The following SPHKAP variants were observed in gnomAD, a reference collection of about 807,000 sequenced individuals.
SPHKAP encodes SPHK1 interactor, AKAP domain containing.
A neutral mutation model predicts 137.5 loss-of-function variants in SPHKAP; 67 were observed. The observed-to-expected ratio is 0.49, with a 90% CI of 0.40 to 0.60. The LOEUF (loss-of-function observed/expected upper bound fraction) is 0.60, where lower values mean the gene tolerates loss of function less well. SPHKAP is among the 20% of genes least tolerant of loss of function. SPHKAP has a pLI of 0.00. For synonymous variants in SPHKAP, 813 were observed against 785.3 expected (o/e 1.04, Z -0.59); for missense variants, 2,097 against 2,069.3 (o/e 1.01, Z -0.26).
intron 2 of SPHKAP, among the ~76,000 whole-genome samples, chr2:228,126,202 T>TA (rs1290877559): frequency 2.0e-5 from 3 of 152,136 alleles, no homozygotes; most frequent in Non-Finnish European, 2.9e-5. Context: ...TCTTTTCCAT[T>TA]TTTTCTTATA....
chr2:228,004,779 A>T (rs1468680853), intron 7 of SPHKAP, among the ~76,000 whole-genome samples: 1 of 152,172 alleles, frequency 6.6e-6, no homozygotes, highest in Non-Finnish European at 1.5e-5. Flanking sequence ...TTGGTTTCAA[A>T]GAACATCTTT....
chr2:227,982,523 G>A (rs1693038879), intron 11 of SPHKAP, among the ~76,000 whole-genome samples: 4 of 152,146 alleles, frequency 2.6e-5, no homozygotes, highest in Admixed American at 1.3e-4. Context: ...AGGGCTTGAA[G>A]GGAGGAAAAA....
chr2:228,078,787 G>A (rs1697263938), intron 3 of SPHKAP, among the ~76,000 whole-genome samples: 1 of 152,190 alleles, frequency 6.6e-6, no homozygotes, highest in African/African-American at 2.4e-5. Context: ...ATAGAGTGGA[G>A]AGAGATACCC....
intron 2 of SPHKAP, among the ~76,000 whole-genome samples, chr2:228,123,601 ACTT>A (rs1333697311): frequency 6.6e-6 from 1 of 152,214 alleles, no homozygotes; most frequent in African/African-American, 2.4e-5. Context: ...CAGTGAAAGT[ACTT>A]CTTAGCTTCT....
intron 2 of SPHKAP, 47 bp downstream of exon 2, chr2:228,131,933 T>A (rs757556093): frequency 4.4e-6 from 7 of 1,581,190 alleles, no homozygotes; most frequent in Non-Finnish European, 6.1e-6. Flanking sequence ...ATTAAATGAA[T>A]ATTCAAGTTC....
chr2:228,130,861 A>G (rs1699228197), intron 2 of SPHKAP, among the ~76,000 whole-genome samples: 1 of 152,198 alleles, frequency 6.6e-6, no homozygotes, highest in African/African-American at 2.4e-5. Context: ...AAGAGGAGAA[A>G]GAATAATAGA....
chr2:228,110,376 G>A (rs1312541020), intron 2 of SPHKAP, among the ~76,000 whole-genome samples: 1 of 151,858 alleles, frequency 6.6e-6, no homozygotes, highest in African/African-American at 2.4e-5. Context: ...TTATATTAGT[G>A]ATAAATTTTC....
Position 228,021,789 on chromosome 2 carries a change from AG to A in SPHKAP, c.618del (p.Leu207TyrfsTer31). On this transcript the variant is annotated frameshift_variant, in exon 6 of 12. Coordinates refer to ENST00000392056, the MANE Select transcript of SPHKAP (RefSeq NM_001142644.2). LOFTEE classifies it high-confidence loss of function. The stretch of plus-strand genomic sequence containing the variant: ...AGAAAGTCTTCCTCGATTGAAGATA[AG>A]GAACAGTTCGTGTCATCCTCCAGTT... ...ILKLEDDTNC[S>X]LSSIEEDFLT... 1 of 1,614,208 alleles carries A rather than the reference AG, an allele frequency of 6.2e-7. No homozygotes were observed. Among genetic ancestry groups the A allele is most frequent in the South Asian group, 1.1e-5 (1 of 91,082 alleles).
At chr2:227,991,748 A>AT (rs921321193) in intron 9 of SPHKAP, 61 of 889,732 alleles carry the variant, frequency 6.9e-5, no homozygotes, top group South Asian at 1.0e-4. Context: ...TCTTGTCACA[A>AT]TTTTTTTTCT....
intron 2 of SPHKAP, among the ~76,000 whole-genome samples, chr2:228,110,171 C>T (rs565429882): frequency 1.3e-5 from 2 of 151,846 alleles, no homozygotes; most frequent in South Asian, 4.2e-4. Flanking sequence ...ATTCGTACAA[C>T]AAAAGATTGT....
Position 228,081,125 on chromosome 2 carries a change from G to T in SPHKAP, c.246+27707C>A, listed in dbSNP as rs559666614. Among the ~76,000 whole-genome samples the T allele has an allele frequency of 1.4e-4, 22 of 152,300 alleles. No individual in the cohort carries two copies. In the South Asian group the frequency reaches 4.6e-3, roughly 32 times the overall value. On this transcript the variant is annotated intron_variant, in intron 3 of 11. Coordinates refer to ENST00000392056, the MANE Select transcript of SPHKAP (RefSeq NM_001142644.2). Reference sequence around the variant, plus strand: ...TCCTTTTGTTCCTAAGCCAACAGCTGCAGAGAAAAGGTTATATATCTCCAC... The same window carrying T: ...TCCTTTTGTTCCTAAGCCAACAGCTTCAGAGAAAAGGTTATATATCTCCAC...
chr2:228,033,793 G>GA (rs1695456913), intron 3 of SPHKAP, among the ~76,000 whole-genome samples: 1 of 152,072 alleles, frequency 6.6e-6, no homozygotes, highest in Non-Finnish European at 1.5e-5. Flanking sequence ...GATACATAAC[G>GA]AAATGAAGGC....
Position 228,180,225 on chromosome 2 carries a change from T to G in SPHKAP, c.32+1342A>C, listed in dbSNP as rs538240490. ...CACAGAAACCACAGCGGGCCTTTTC[T>G]GAACCATTTGCTATCCCCGCAGCGA... On this transcript the variant is annotated intron_variant, in intron 1 of 11. Transcript: ENST00000392056. Among the ~76,000 whole-genome samples the G allele has an allele frequency of 1.3e-3, 197 of 152,226 alleles. 2 individuals carry two copies. The Middle Eastern group carries it at 0.017, about 13-fold the overall frequency.
intron 3 of SPHKAP, among the ~76,000 whole-genome samples, chr2:228,103,093 C>A (rs560942530): frequency 6.6e-6 from 1 of 152,268 alleles, no homozygotes; most frequent in East Asian, 1.9e-4. Context: ...GTTTCTTCCA[C>A]ACAACCTTCA....
rs1250162411 is a variant in SPHKAP, at chr2:228,069,445, C to CTT, written c.246+39385_246+39386dup. Among the ~76,000 whole-genome samples, 36 of 81,532 alleles carry CTT rather than the reference C, an allele frequency of 4.4e-4. No homozygotes were observed. In the South Asian group the frequency reaches 0.016, roughly 37 times the overall value. The allele number at this position is 81,532 out of a possible 152,430, so 53.5% of individuals were successfully genotyped here. A position where few individuals can be genotyped will look rare whatever the true frequency, so the allele number is the denominator to read the frequency against. ...TTTTTTTCCTCTTTTTTCTTTCTTTCTTTCTTTTTTTTTTTTTTTAGAGAT... is the reference window on the plus strand; with the variant it reads ...TTTTTTTCCTCTTTTTTCTTTCTTTCTTTTTCTTTTTTTTTTTTTTTAGAGAT... On this transcript the variant is annotated intron_variant, in intron 3 of 11. Coordinates refer to ENST00000392056, the MANE Select transcript of SPHKAP (RefSeq NM_001142644.2).
At chr2:228,145,753 G>A (rs921582515) in intron 1 of SPHKAP, among the ~76,000 whole-genome samples, 1 of 152,138 alleles carries the variant, frequency 6.6e-6, no homozygotes, top group Non-Finnish European at 1.5e-5. Context: ...GAGAAAGCGG[G>A]AGCCATGTTG....
At chr2:228,164,256 A>G (rs1700357034) in intron 1 of SPHKAP, among the ~76,000 whole-genome samples, 1 of 152,140 alleles carries the variant, frequency 6.6e-6, no homozygotes, top group Admixed American at 6.5e-5. Flanking sequence ...CACAGGCTGA[A>G]GGCTGCACTG....
chr2:228,005,909 G>A (rs189617812), intron 7 of SPHKAP, among the ~76,000 whole-genome samples: 31 of 152,348 alleles, frequency 2.0e-4, no homozygotes, highest in Non-Finnish European at 2.9e-4. Context: ...CTAGAGATCA[G>A]CTGTTAGTCT....
chr2:228,104,304 A>G (rs1698271160), intron 3 of SPHKAP, among the ~76,000 whole-genome samples: 1 of 139,030 alleles, frequency 7.2e-6, no homozygotes, highest in Non-Finnish European at 1.5e-5. Context: ...ATATTATATA[A>G]TAATATTAAT....
Sources: allele counts gnomAD v4.1 joint callset (sites outside exome capture counted in the v4.1 genomes callset), GRCh38; gene constraint gnomAD v4.1.1; transcripts MANE v1.5; gene names NCBI Gene and HGNC (gene_info 2026-07-23, HGNC 2026-07-21).